Variants in EP300 observed in about 807,000 individuals in gnomAD.
The protein encoded by EP300 is histone acetyltransferase p300.
A neutral mutation model predicts 264.0 loss-of-function variants in EP300; 31 were observed. That is an observed-to-expected ratio of 0.12 (90% confidence interval 0.09 to 0.16). The LOEUF is 0.16. Ranked by LOEUF, EP300 falls within the 10% of genes least tolerant of loss-of-function variation. The probability of loss-of-function intolerance (pLI) is 1.00; values close to 1 mark genes in which losing one functional copy is unlikely to be tolerated. For missense variants in EP300, 2,766 were observed against 3,052.9 expected (o/e 0.91, Z 2.21); for synonymous variants, 1,340 against 1,045.4 (o/e 1.28, Z -5.44).
Position 41,177,602 on chromosome 22 carries a change from C to A in EP300, c.5891C>A (p.Pro1964His), listed in dbSNP as rs2145518390. 6.2e-7 allele frequency: 1 copy of A among 1,614,170 alleles called. No individual in the cohort carries two copies. Among genetic ancestry groups the A allele is most frequent in the Non-Finnish European group, 8.5e-7 (1 of 1,180,030 alleles). The change falls in exon 31 of 31, where the codon CCC (proline) becomes CAC (histidine). Residue 1964 changes from proline to histidine, a missense_variant. Physicochemically the swap from Pro to His is moderately conservative, Grantham distance 77. Transcript: ENST00000263253. ...HQMPPMTPMA[P>H]MGMNPPPMTR... ...ATGCCCCCGATGACTCCCATGGCCC[C>A]CATGGGTATGAACCCACCTCCCATG... is the stretch of plus-strand genomic sequence containing the variant.
At chr22:41,112,967 T>G (rs772598537) in intron 1 of EP300, among the ~76,000 whole-genome samples, 1 of 152,132 alleles carries the variant, frequency 6.6e-6, no homozygotes, top group Non-Finnish European at 1.5e-5. Context: ...ATCCTAGCCA[T>G]GTCATTTCAC....
Position 41,178,679 on chromosome 22 carries a change from C to A in EP300, c.6968C>A (p.Pro2323His). Reference protein sequence around the residue: ...VPSPRPQSQPPHSSPSPRMQP... With the variant: ...VPSPRPQSQPHHSSPSPRMQP... ...TCTCCACGGCCACAGTCCCAGCCCCCCCACTCCAGTCCTTCCCCAAGGATG... is the reference window on the plus strand; with the variant it reads ...TCTCCACGGCCACAGTCCCAGCCCCACCACTCCAGTCCTTCCCCAAGGATG... Residue 2323 changes from proline to histidine, a missense_variant, in exon 31 of 31, where the codon CCC (proline) becomes CAC (histidine). Coordinates refer to ENST00000263253, the MANE Select transcript of EP300 (RefSeq NM_001429.4). 6.2e-7 allele frequency: 1 copy of A among 1,614,206 alleles called. No individual in the cohort carries two copies. Among genetic ancestry groups the A allele is most frequent in the Non-Finnish European group, 8.5e-7 (1 of 1,180,040 alleles).
At chr22:41,097,670 A>G (rs543051191) in intron 1 of EP300, among the ~76,000 whole-genome samples, 29 of 152,314 alleles carry the variant, frequency 1.9e-4, no homozygotes, top group African/African-American at 6.3e-4. Context: ...TGCTAGTTTT[A>G]TGTTTGTCCA....
chr22:41,158,485 A>G lies in EP300; in HGVS notation c.3575A>G (p.Tyr1192Cys). 1 of 1,614,126 alleles carries G rather than the reference A, an allele frequency of 6.2e-7. No individual in the cohort carries two copies. Among genetic ancestry groups the G allele is most frequent in the Non-Finnish European group, 8.5e-7 (1 of 1,179,972 alleles). ...ACAATACCTCGTGATGCCACTTATT[A>G]CAGTTACCAGAACAGGTAAGCTTGG... ...LCTIPRDATY[Y>C]SYQNRYHFCE... The change falls in exon 19 of 31, where the codon TAC becomes TGC. Residue 1192 changes from tyrosine to cysteine, a missense_variant. Transcript: ENST00000263253.
Position 41,093,066 on chromosome 22 carries a change from C to T in EP300, c.62C>T (p.Pro21Leu), listed in dbSNP as rs2145665670. Reference protein sequence around the residue: ...PSAKRPKLSSPALSASASDGT... With the variant: ...PSAKRPKLSSLALSASASDGT... ...GCCAAGCGGCCTAAACTCTCATCTCCGGCCCTCTCGGCGTCCGCCAGCGAT... is the reference window on the plus strand; with the variant it reads ...GCCAAGCGGCCTAAACTCTCATCTCTGGCCCTCTCGGCGTCCGCCAGCGAT... The change falls in exon 1 of 31, where the codon CCG becomes CTG. Residue 21 changes from proline (P) to leucine (L), a missense_variant. Pro to Leu is a moderately conservative substitution (Grantham distance 98). Coordinates refer to ENST00000263253, the MANE Select transcript of EP300 (RefSeq NM_001429.4). 1 of 1,614,110 alleles carries T rather than the reference C, an allele frequency of 6.2e-7. No homozygotes were observed. Among genetic ancestry groups the T allele is most frequent in the Non-Finnish European group, 8.5e-7 (1 of 1,180,032 alleles).
rs1366876915 is a variant in EP300, at chr22:41,168,847, C to T, written c.4152C>T (p.Asp1384=). The part of the protein sequence containing the change: ...FGMHVQEYGS[D]CPPPNQRRVY... The stretch of plus-strand genomic sequence containing the variant: ...TGCATGTTCAAGAGTATGGCTCTGA[C>T]TGCCCTCCACCCAACCAGAGGTATG... The change falls in exon 25 of 31, where the codon GAC becomes GAT. Residue 1384 remains aspartate (D), a synonymous_variant. Coordinates refer to ENST00000263253, the MANE Select transcript of EP300 (RefSeq NM_001429.4). 6.2e-7 allele frequency: 1 copy of T among 1,614,212 alleles called. No individual in the cohort carries two copies. The highest frequency in any genetic ancestry group is 8.5e-7 in the Non-Finnish European group (1 of 1,180,042).
In EP300 at chr22:41,177,343, A is replaced by G. The variant is rs746826181; in HGVS notation, c.5632A>G (p.Thr1878Ala). The change falls in exon 31 of 31, where the codon ACC becomes GCC. Residue 1878 changes from threonine (T) to alanine (A), a missense_variant. Transcript: ENST00000263253. The stretch of plus-strand genomic sequence containing the variant: ...CCAGCCCACTTCTCAGCCTCAGCCT[A>G]CCCCTCCCAATAGCATGCCACCCTA... ...TPQPTSQPQPTPPNSMPPYLP... is the reference protein window; with the variant it reads ...TPQPTSQPQPAPPNSMPPYLP... The G allele has an allele frequency of 1.9e-6, 3 of 1,613,506 alleles. No individual in the cohort carries two copies. The highest frequency in any genetic ancestry group is 2.5e-6 in the Non-Finnish European group (3 of 1,179,912).
In EP300 at chr22:41,179,877, CACTCACACACACACACACA is replaced by C. The variant is rs1431346951; in HGVS notation, c.*922_*940del. 1.9e-3 allele frequency: 284 copies of C among 145,810 alleles called. 10 individuals carry two copies. Among genetic ancestry groups the C allele is most frequent in the Non-Finnish European group, 1.8e-3 (140 of 78,696 alleles). The allele number at this position is 145,810 out of a possible 1,614,324, so 9.0% of individuals were successfully genotyped here. A position where few individuals can be genotyped will look rare whatever the true frequency, so the allele number is the denominator to read the frequency against. ...CTTTCTTCCTCCTTACCCTACCCCCCACTCACACACACACACACACACACACACACACACACACACACAC... is the reference window on the plus strand; with the variant it reads ...CTTTCTTCCTCCTTACCCTACCCCCCCACACACACACACACACACACACAC... On this transcript the variant is annotated 3_prime_UTR_variant, in exon 31 of 31. Transcript: ENST00000263253.
chr22:41,159,071 C>T (rs2059093805), intron 19 of EP300: 1 of 154,332 alleles, frequency 6.5e-6, no homozygotes, highest in African/African-American at 2.4e-5. Context: ...ATAAACGAGG[C>T]ACCTCTGCCT....
At chr22:41,104,767 C>T (rs2058749307) in intron 1 of EP300, among the ~76,000 whole-genome samples, 3 of 152,100 alleles carry the variant, frequency 2.0e-5, no homozygotes, top group Admixed American at 2.0e-4. Context: ...CACCTGTAAT[C>T]CCAGCACTTT....
rs1425746701 is a variant in EP300, at chr22:41,176,471, C to T, written c.5004C>T (p.Tyr1668=). The change falls in exon 30 of 31, where the codon TAC becomes TAT. Residue 1668 remains tyrosine (Y), a synonymous_variant. Coordinates refer to ENST00000263253, the MANE Select transcript of EP300 (RefSeq NM_001429.4). ...LHTQSQDRFV[Y]TCNECKHHVE... The stretch of plus-strand genomic sequence containing the variant: ...CGCAGAGCCAGGACCGCTTTGTCTA[C>T]ACCTGCAATGAATGCAAGCACCATG... 2 of 1,614,094 alleles carry T rather than the reference C, an allele frequency of 1.2e-6. No homozygotes were observed. Among genetic ancestry groups the T allele is most frequent in the Admixed American group, 1.7e-5 (1 of 60,008 alleles).
chr22:41,095,725 A>G (rs889573055), intron 1 of EP300, among the ~76,000 whole-genome samples: 12 of 152,202 alleles, frequency 7.9e-5, no homozygotes, highest in African/African-American at 2.7e-4. Flanking sequence ...GTTTTTGTCT[A>G]GAACTGGTTG....
At chr22:41,156,355 G>A (rs1190833118) in intron 17 of EP300, among the ~76,000 whole-genome samples, 2 of 152,180 alleles carry the variant, frequency 1.3e-5, no homozygotes, top group Non-Finnish European at 2.9e-5. Context: ...CAGAAAAAAG[G>A]ACCGTGGTTA....
rs1439465064 is a variant in EP300 at position 41,177,885 on chromosome 22, C to A, written c.6174C>A (p.Leu2058=). The change falls in exon 31 of 31, where the codon CTC becomes CTA. Residue 2058 remains leucine (L), a synonymous_variant. Transcript: ENST00000263253. ...QQALQNLLRT[L]RSPSSPLQQQ... ...CCTTACAAAACCTTTTGCGGACTCT[C>A]AGGTCTCCCAGCTCTCCCCTGCAGC... The A allele has an allele frequency of 1.2e-6, 2 of 1,614,188 alleles. No individual in the cohort carries two copies. Among genetic ancestry groups the A allele is most frequent in the Non-Finnish European group, 1.7e-6 (2 of 1,180,030 alleles).
chr22:41,115,246 C>T (rs2058814445), intron 1 of EP300, among the ~76,000 whole-genome samples: 1 of 152,148 alleles, frequency 6.6e-6, no homozygotes, highest in Non-Finnish European at 1.5e-5. Flanking sequence ...TGTCTGGAGA[C>T]AGTTTTGATT....
chr22:41,160,502 ATGTCCT>A, intron 19 of EP300, 134 bp from the exon 20 acceptor site: 1 of 721,038 alleles, frequency 1.4e-6, no homozygotes, highest in Non-Finnish European at 2.5e-6. Context: ...GCATCATTGA[ATGTCCT>A]TGTCGCCGTT....
At chr22:41,158,282 A>G (rs1242182875) in intron 18 of EP300, 130 bp from the exon 19 acceptor site, 1 of 738,366 alleles carries the variant, frequency 1.4e-6, no homozygotes, top group East Asian at 2.7e-5. Context: ...TCAGGAACTG[A>G]ATTAGCCCAT....
At chr22:41,118,833 T>C (rs528362383) in intron 2 of EP300, among the ~76,000 whole-genome samples, 1 of 151,086 alleles carries the variant, frequency 6.6e-6, no homozygotes, top group African/African-American at 2.4e-5. Context: ...TGACAGAGAA[T>C]GCAAGTGTGA....
rs888712560 is a variant in EP300, at chr22:41,176,163, T to C, written c.4780-84T>C. ...TGAGCCCAGGAGGCAGAGGTTGTAG[T>C]GAGCCAAGATCACGCCACTGCATTC... On this transcript the variant is annotated intron_variant, in intron 29 of 30. Coordinates refer to ENST00000263253, the MANE Select transcript of EP300 (RefSeq NM_001429.4). The C allele has an allele frequency of 2.6e-5, 40 of 1,524,356 alleles. No homozygotes were observed. The African/African-American group carries it at 3.6e-4, about 14-fold the overall frequency. The allele number at this position is 1,524,356 out of a possible 1,614,324, so 94.4% of individuals were successfully genotyped here.
Sources: gnomAD v4.1 joint callset for allele counts (sites outside exome capture counted in the v4.1 genomes callset) on GRCh38, gnomAD v4.1.1 for gene constraint, MANE v1.5 for transcripts, NCBI Gene and HGNC (gene_info 2026-07-23, HGNC 2026-07-21) for gene names.